The following TXNL1 variants were observed in gnomAD, a reference collection of about 807,000 sequenced individuals.
TXNL1 encodes the protein thioredoxin like 1.
A neutral mutation model predicts 35.5 loss-of-function variants in TXNL1; 14 were observed. The ratio of observed to expected loss-of-function variants is 0.39; its 90% confidence interval spans 0.26 to 0.62. The LOEUF is 0.62. Among genes scored for constraint, TXNL1 ranks in the 20% least tolerant of loss-of-function variants. The probability of loss-of-function intolerance (pLI) is 0.47; values close to 1 mark genes in which losing one functional copy is unlikely to be tolerated. For synonymous variants in TXNL1, 110 were observed against 115.5 expected (o/e 0.95, Z 0.31); for missense variants, 263 against 349.7 (o/e 0.75, Z 1.98).
Position 56,614,496 on chromosome 18 carries a change from T to A in TXNL1, c.663A>T (p.Thr221=). Residue 221 remains threonine (T), a synonymous_variant, in exon 6 of 8, where the codon ACA becomes ACT. Coordinates refer to ENST00000217515, the MANE Select transcript of TXNL1 (RefSeq NM_004786.3). ...RSEPTQALEL[T]EDDIKEDGIV... Reference sequence around the variant, plus strand: ...TGCCATCTTCTTTAATATCATCCTCTGTCAGTTCCAGAGCTTGAGTTGGTT... The same window carrying A: ...TGCCATCTTCTTTAATATCATCCTCAGTCAGTTCCAGAGCTTGAGTTGGTT... The A allele has an allele frequency of 6.2e-7, 1 of 1,614,032 alleles. No individual in the cohort carries two copies. The highest frequency in any genetic ancestry group is 8.5e-7 in the Non-Finnish European group (1 of 1,179,962).
intron 3 of TXNL1, among the ~76,000 whole-genome samples, chr18:56,621,948 C>T (rs1051149382): frequency 2.1e-5 from 3 of 140,942 alleles, no homozygotes; most frequent in Admixed American, 1.5e-4. Context: ...GCCAGGGGGA[C>T]GGTGGAGGTT....
rs754863949 is a variant in TXNL1 at position 56,611,116 on chromosome 18, C to T, written c.736-19G>A. Reference sequence around the variant, plus strand: ...CAAATATCTACCAAAAAAAAGTTTGCATTTATAATTACAATCCTTCTTCAC... The same window carrying T: ...CAAATATCTACCAAAAAAAAGTTTGTATTTATAATTACAATCCTTCTTCAC... On this transcript the variant is annotated intron_variant, in intron 6 of 7. Coordinates refer to ENST00000217515, the MANE Select transcript of TXNL1 (RefSeq NM_004786.3). The T allele has an allele frequency of 2.0e-6, 3 of 1,512,030 alleles. No homozygotes were observed. The highest frequency in any genetic ancestry group is 2.4e-5 in the South Asian group (2 of 83,938). The allele number at this position is 1,512,030 out of a possible 1,614,324, so 93.7% of individuals were successfully genotyped here. A position where few individuals can be genotyped will look rare whatever the true frequency, so the allele number is the denominator to read the frequency against.
At position 56,624,395 on chromosome 18, in the gene TXNL1, T is replaced by C. The variant is rs1568106305; in HGVS notation, c.262A>G (p.Ile88Val). 6.2e-7 allele frequency: 1 copy of C among 1,613,910 alleles called. No individual in the cohort carries two copies. The highest frequency in any genetic ancestry group is 2.2e-5 in the East Asian group (1 of 44,830). The change falls in exon 3 of 8, where the codon ATT (isoleucine) becomes GTT (valine). Residue 88 changes from isoleucine to valine, a missense_variant. Coordinates refer to ENST00000217515, the MANE Select transcript of TXNL1 (RefSeq NM_004786.3). ...TFLFFRNKVR[I>V]DQYQGADAVG... ...GCATCTGCTCCTTGATATTGATCAA[T>C]TCTCACTTTGTTTCGAAAAAACAAA...
chr18:56,638,110 TCTC>T (rs1431842775), intron 1 of TXNL1, among the ~76,000 whole-genome samples: 3 of 151,468 alleles, frequency 2.0e-5, no homozygotes, highest in Non-Finnish European at 2.9e-5. Context: ...AGGTGAGAAA[TCTC>T]CTGAGCTGGA....
intron 1 of TXNL1, among the ~76,000 whole-genome samples, chr18:56,636,713 C>T (rs2024461087): frequency 6.6e-6 from 1 of 152,156 alleles, no homozygotes; most frequent in African/African-American, 2.4e-5. Context: ...AGTTTTCTCA[C>T]TTCAATCAAT....
chr18:56,611,286 G>C (rs1229873772), intron 6 of TXNL1, among the ~76,000 whole-genome samples, 189 bp from the exon 7 acceptor site: 1 of 151,954 alleles, frequency 6.6e-6, no homozygotes, highest in Non-Finnish European at 1.5e-5. Context: ...GATCACCTGA[G>C]GTCAGGAGTT....
At chr18:56,617,181 T>C (rs1160354405) in intron 4 of TXNL1, among the ~76,000 whole-genome samples, 1 of 152,210 alleles carries the variant, frequency 6.6e-6, no homozygotes, top group African/African-American at 2.4e-5. Flanking sequence ...AATCATGTTG[T>C]GGTTTATCTG....
At chr18:56,623,063 G>C (rs1254984425) in intron 3 of TXNL1, among the ~76,000 whole-genome samples, 2 of 151,578 alleles carry the variant, frequency 1.3e-5, no homozygotes, top group Admixed American at 6.6e-5. Flanking sequence ...CATGAATTTA[G>C]ACTTACAGGG....
intron 1 of TXNL1, 30 bp downstream of exon 1, chr18:56,638,313 G>A (rs1016841619): frequency 7.6e-6 from 12 of 1,588,546 alleles, no homozygotes; most frequent in Admixed American, 1.7e-5. Context: ...AGGACAGACG[G>A]GGACCCACAG....
rs142864115 is a variant in TXNL1, at chr18:56,625,129, T to C, written c.196-668A>G. On this transcript the variant is annotated intron_variant, in intron 2 of 7. Coordinates refer to ENST00000217515, the MANE Select transcript of TXNL1 (RefSeq NM_004786.3). ...AGTAAAGCAAATATGGCACCTTATA[T>C]ATTCAAATATTATGAAAGTCACTAC... 3.2e-3 allele frequency among the ~76,000 whole-genome samples: 492 copies of C among 152,208 alleles called. 2 individuals carry two copies. Among genetic ancestry groups the C allele is most frequent in the Middle Eastern group, 0.017 (5 of 294 alleles).
At chr18:56,611,933 C>A (rs1478384781) in intron 6 of TXNL1, among the ~76,000 whole-genome samples, 1 of 150,766 alleles carries the variant, frequency 6.6e-6, no homozygotes, top group Non-Finnish European at 1.5e-5. Flanking sequence ...ACTGCAACCT[C>A]CACCTCTCAG....
At chr18:56,612,532 T>C (rs142086921) in intron 6 of TXNL1, among the ~76,000 whole-genome samples, 8 of 152,320 alleles carry the variant, frequency 5.3e-5, no homozygotes, top group African/African-American at 1.9e-4. Flanking sequence ...CTGTCTACTT[T>C]AAAATATTGC....
chr18:56,611,488 G>A (rs1185200105), intron 6 of TXNL1, among the ~76,000 whole-genome samples: 13 of 145,338 alleles, frequency 8.9e-5, no homozygotes, highest in Non-Finnish European at 1.7e-4. Flanking sequence ...GGCAACAAGA[G>A]CAAAACTCTG....
intron 1 of TXNL1, among the ~76,000 whole-genome samples, chr18:56,633,686 T>C (rs1268691639): frequency 6.6e-6 from 1 of 150,446 alleles, no homozygotes; most frequent in African/African-American, 2.5e-5. Context: ...CATTCATCAA[T>C]TCAAGATAAA....
In TXNL1 at chr18:56,638,378, G is replaced by A. The variant is rs2024491140; in HGVS notation, c.63C>T (p.Gly21=). The A allele has an allele frequency of 2.5e-5, 40 of 1,613,530 alleles. No individual in the cohort carries two copies. The highest frequency in any genetic ancestry group is 3.3e-5 in the Non-Finnish European group (39 of 1,179,756). ...TGAACTTGACCACGGCGAGTCTGGA[G>A]CCCGCGCCGCTCAGCTCTGGCTGGA... ...PDFQPELSGA[G]SRLAVVKFTM... Residue 21 remains glycine (G), a synonymous_variant, in exon 1 of 8, where the codon GGC becomes GGT. Coordinates refer to ENST00000217515, the MANE Select transcript of TXNL1 (RefSeq NM_004786.3).
chr18:56,635,549 C>T (rs2024442836), intron 1 of TXNL1, among the ~76,000 whole-genome samples: 1 of 152,074 alleles, frequency 6.6e-6, no homozygotes, highest in Admixed American at 6.6e-5. Context: ...TATTAGGTGC[C>T]ACAAATTGAC....
chr18:56,614,394 T>C (rs749887975), intron 6 of TXNL1, 30 bp downstream of exon 6: 53 of 1,592,636 alleles, frequency 3.3e-5, no homozygotes, highest in Middle Eastern at 3.4e-4. Context: ...CACAAACCTA[T>C]TAAATACATA....
rs2023815591 is a variant in TXNL1, at chr18:56,602,008, A to G, written c.*1019T>C. 6.6e-6 allele frequency: 1 copy of G among 151,706 alleles called. No individual in the cohort carries two copies. Among genetic ancestry groups the G allele is most frequent in the Admixed American group, 6.6e-5 (1 of 15,256 alleles). The allele number at this position is 151,706 out of a possible 1,614,324, so 9.4% of individuals were successfully genotyped here. A position where few individuals can be genotyped will look rare whatever the true frequency, so the allele number is the denominator to read the frequency against. ...GGTAATAAATACTTGATTAAGGGTA[A>G]TAATTCCCTTTTTTTTTTGGAGACG... On this transcript the variant is annotated 3_prime_UTR_variant, in exon 8 of 8. Transcript: ENST00000217515.
At chr18:56,626,245 C>T (rs935797762) in intron 2 of TXNL1, 116 bp downstream of exon 2, 27 of 1,462,116 alleles carry the variant, frequency 1.8e-5, no homozygotes, top group Admixed American at 4.9e-5. Context: ...ATAACATCTT[C>T]CTATCTTCAA....
Sources: gnomAD v4.1 joint callset for allele counts (sites outside exome capture counted in the v4.1 genomes callset) on GRCh38, gnomAD v4.1.1 for gene constraint, MANE v1.5 for transcripts, NCBI Gene and HGNC (gene_info 2026-07-23, HGNC 2026-07-21) for gene names.